Variants in GABRG2 observed in about 807,000 individuals in gnomAD.
GABRG2 encodes gamma-aminobutyric acid type A receptor subunit gamma2.
In GABRG2, 16 loss-of-function variants were observed where a neutral mutation model predicts 56.4. The ratio of observed to expected loss-of-function variants is 0.28; its 90% CI spans 0.19 to 0.43. The LOEUF (loss-of-function observed/expected upper bound fraction) is 0.43. GABRG2 is among the 20% of genes least tolerant of loss of function. The probability of loss-of-function intolerance (pLI) is 1.00; values close to 1 mark genes in which losing one functional copy is unlikely to be tolerated. For synonymous variants in GABRG2, 208 were observed against 205.5 expected, an observed-to-expected ratio of 1.01 and a Z score of -0.10; for missense variants, 327 against 582.7, an observed-to-expected ratio of 0.56 and a Z score of 4.52.
At chr5:162,108,633 A>G (rs1762005518) in intron 6 of GABRG2, among the ~76,000 whole-genome samples, 1 of 152,116 alleles carries the variant, frequency 6.6e-6, no homozygotes, top group Non-Finnish European at 1.5e-5. Flanking sequence ...CAGCTTTGCC[A>G]TTTACTAGTG....
intron 6 of GABRG2, among the ~76,000 whole-genome samples, chr5:162,112,498 T>A (rs1225632647): frequency 6.6e-6 from 1 of 152,166 alleles, no homozygotes; most frequent in East Asian, 1.9e-4. Context: ...GAAGATTACT[T>A]TTACCCTATT....
intron 6 of GABRG2, among the ~76,000 whole-genome samples, chr5:162,109,845 GC>G (rs1762133236): frequency 6.6e-6 from 1 of 151,946 alleles, no homozygotes; most frequent in Non-Finnish European, 1.5e-5. Flanking sequence ...TGAGATGTGG[GC>G]TAGAAAAGTG....
intron 9 of GABRG2, chr5:162,152,779 T>G (rs574157197): frequency 6.9e-6 from 4 of 582,720 alleles, no homozygotes; most frequent in Admixed American, 6.0e-5. Flanking sequence ...TCACATCTAA[T>G]ACTTACTAGA....
intron 6 of GABRG2, among the ~76,000 whole-genome samples, chr5:162,132,455 C>A: frequency 6.6e-6 from 1 of 151,942 alleles, no homozygotes; most frequent in East Asian, 1.9e-4. Flanking sequence ...CTCATCATTT[C>A]TATGTCAGAA....
chr5:162,123,454 C>A (rs1395916843), intron 6 of GABRG2, among the ~76,000 whole-genome samples: 1 of 151,652 alleles, frequency 6.6e-6, no homozygotes, highest in Non-Finnish European at 1.5e-5. Context: ...TCATATGGAA[C>A]TTGATAAGCA....
intron 1 of GABRG2, among the ~76,000 whole-genome samples, chr5:162,074,413 C>G (rs1395519279): frequency 6.6e-6 from 1 of 151,924 alleles, no homozygotes; most frequent in South Asian, 2.1e-4. Context: ...AAGCAAAGAT[C>G]CTTTGTTATA....
At chr5:162,068,825 T>C (rs1478849220) in intron 1 of GABRG2, among the ~76,000 whole-genome samples, 3 of 152,074 alleles carry the variant, frequency 2.0e-5, no homozygotes. Flanking sequence ...ATACAGATCC[T>C]GATCTGTTTA....
intron 6 of GABRG2, among the ~76,000 whole-genome samples, chr5:162,135,772 A>G (rs1403441560): frequency 6.6e-6 from 1 of 152,188 alleles, no homozygotes; most frequent in Non-Finnish European, 1.5e-5. Flanking sequence ...AGCAGGTGAA[A>G]GAACCCTGTG....
intron 5 of GABRG2, chr5:162,102,645 C>A: frequency 2.2e-6 from 1 of 452,926 alleles, no homozygotes; most frequent in Non-Finnish European, 4.4e-6. Flanking sequence ...ATCCTCCCAC[C>A]TTGGCCTCCA....
At chr5:162,075,932 C>G (rs543883346) in intron 1 of GABRG2, among the ~76,000 whole-genome samples, 1 of 151,728 alleles carries the variant, frequency 6.6e-6, no homozygotes, top group Non-Finnish European at 1.5e-5. Context: ...GCAGGAGGAT[C>G]GCTTGTGCCC....
intron 1 of GABRG2, among the ~76,000 whole-genome samples, chr5:162,088,876 C>T (rs1183827556): frequency 6.6e-6 from 1 of 152,086 alleles, no homozygotes; most frequent in Non-Finnish European, 1.5e-5. Flanking sequence ...ATACCTAGAA[C>T]ATAGCGAATA....
At chr5:162,081,237 A>G (rs576877493) in intron 1 of GABRG2, among the ~76,000 whole-genome samples, 2 of 152,180 alleles carry the variant, frequency 1.3e-5, no homozygotes, top group African/African-American at 2.4e-5. Flanking sequence ...TTTAAGCCCA[A>G]TTATCTCATA....
chr5:162,126,872 T>C (rs1763374934), intron 6 of GABRG2, among the ~76,000 whole-genome samples: 1 of 151,988 alleles, frequency 6.6e-6, no homozygotes, highest in Non-Finnish European at 1.5e-5. Flanking sequence ...CTCTTATTTA[T>C]CCTGTATCTA....
At chr5:162,109,405 TATATA>T (rs1561647204) in intron 6 of GABRG2, among the ~76,000 whole-genome samples, 7 of 138,660 alleles carry the variant, frequency 5.0e-5, no homozygotes, top group Non-Finnish European at 1.1e-4. Context: ...TATATATATA[TATATA>T]TATATATATA....
At chr5:162,081,968 T>C (rs1045659530) in intron 1 of GABRG2, among the ~76,000 whole-genome samples, 2 of 151,974 alleles carry the variant, frequency 1.3e-5, no homozygotes, top group Admixed American at 1.3e-4. Flanking sequence ...TAAAACACAG[T>C]GACTATCCAG....
At chr5:162,076,736 G>T (rs62384029) in intron 1 of GABRG2, among the ~76,000 whole-genome samples, 8,898 of 152,138 alleles carry the variant, frequency 0.058, 324 homozygotes, top group Middle Eastern at 0.075. Context: ...TGGAAGCAGT[G>T]GTTGTGGAAT....
intron 1 of GABRG2, among the ~76,000 whole-genome samples, chr5:162,074,431 C>A (rs1758924043): frequency 3.3e-5 from 5 of 151,972 alleles, no homozygotes; most frequent in Admixed American, 3.3e-4. Context: ...ATAATTGAAA[C>A]CCTGCCATGA....
intron 1 of GABRG2, among the ~76,000 whole-genome samples, chr5:162,082,857 A>C (rs1053836572): frequency 6.6e-6 from 1 of 151,688 alleles, no homozygotes; most frequent in Admixed American, 6.6e-5. Context: ...GCGAACAATA[A>C]AACCTTGATT....
At chr5:162,104,080 G>C in intron 6 of GABRG2, 54 bp downstream of exon 6, 1 of 1,586,504 alleles carries the variant, frequency 6.3e-7, no homozygotes, top group Non-Finnish European at 8.7e-7. Context: ...TGAAATTTTG[G>C]TATATATGAA....
Sources: gnomAD v4.1 joint callset for allele counts (sites outside exome capture counted in the v4.1 genomes callset) on GRCh38, gnomAD v4.1.1 for gene constraint, MANE v1.5 for transcripts, NCBI Gene and HGNC (gene_info 2026-07-23, HGNC 2026-07-21) for gene names.